The following USP47 variants were observed in gnomAD, a reference collection of about 807,000 sequenced individuals.
USP47 encodes ubiquitin specific peptidase 47, also known as ubiquitin carboxyl-terminal hydrolase 47.
USP47 carries 35 observed loss-of-function variants against 165.1 expected under a neutral mutation model. The ratio of observed to expected loss-of-function variants is 0.21; its 90% confidence interval spans 0.16 to 0.28. USP47 has a LOEUF of 0.28. Among genes scored for constraint, USP47 ranks in the 10% least tolerant of loss-of-function variants. The probability of loss-of-function intolerance (pLI) is 1.00; values close to 1 mark genes in which losing one functional copy is unlikely to be tolerated. For synonymous variants in USP47, 531 were observed against 544.5 expected (o/e 0.98, Z 0.35); for missense variants, 1,277 against 1,607.4 (o/e 0.79, Z 3.52).
chr11:11,870,268 G>A (rs1849953514), intron 1 of USP47, among the ~76,000 whole-genome samples: 1 of 151,806 alleles, frequency 6.6e-6, no homozygotes, highest in African/African-American at 2.4e-5. Context: ...GTGAAATGTA[G>A]AAACCTTATT....
At chr11:11,877,779 C>A (rs899046394) in intron 1 of USP47, among the ~76,000 whole-genome samples, 1 of 139,096 alleles carries the variant, frequency 7.2e-6, no homozygotes, top group Non-Finnish European at 1.5e-5. Flanking sequence ...CTCTCTCTCT[C>A]TCTCTCTCTT....
intron 1 of USP47, among the ~76,000 whole-genome samples, chr11:11,866,399 T>C (rs892206591): frequency 2.6e-5 from 4 of 152,234 alleles, no homozygotes; most frequent in Non-Finnish European, 4.4e-5. Flanking sequence ...TCATATCAGA[T>C]AAGCAAAGTC....
intron 15 of USP47, 118 bp downstream of exon 15, chr11:11,933,234 G>A: frequency 1.2e-6 from 1 of 846,968 alleles, no homozygotes. Context: ...CATGATCATT[G>A]AACAGTGTAA....
At chr11:11,878,318 T>C (rs1850612411) in intron 1 of USP47, among the ~76,000 whole-genome samples, 1 of 152,214 alleles carries the variant, frequency 6.6e-6, no homozygotes, top group South Asian at 2.1e-4. Context: ...AGCTTTAAAA[T>C]CTGGCTACTA....
At chr11:11,922,673 CAT>C (rs749339450) in intron 10 of USP47, 49 bp from the exon 11 acceptor site, 1 of 1,468,748 alleles carries the variant, frequency 6.8e-7, no homozygotes, top group Non-Finnish European at 9.1e-7. Flanking sequence ...TTTTGTTGAA[CAT>C]ATTTTCTCTG....
At chr11:11,950,512 CAGTT>C in intron 24 of USP47, 30 bp downstream of exon 24, 5 of 1,437,602 alleles carry the variant, frequency 3.5e-6, no homozygotes, top group Non-Finnish European at 3.9e-6. Context: ...GGGGAAGTAT[CAGTT>C]AGAAATACTC....
At chr11:11,937,347 T>C (rs1564888231) in intron 17 of USP47, among the ~76,000 whole-genome samples, 1 of 151,954 alleles carries the variant, frequency 6.6e-6, no homozygotes, top group African/African-American at 2.4e-5. Context: ...AAGTTGAACT[T>C]ACAAAACTTT....
chr11:11,916,217 G>C (rs1390730751), intron 8 of USP47, among the ~76,000 whole-genome samples: 2 of 152,168 alleles, frequency 1.3e-5, no homozygotes, highest in African/African-American at 4.8e-5. Context: ...GGGAGGTCAA[G>C]GCAGAGGATT....
chr11:11,930,097 A>T lies in USP47; in HGVS notation c.1572A>T (p.Gly524=), dbSNP rs758909822. Residue 524 remains glycine (G), a synonymous_variant, in exon 13 of 28, where the codon GGA becomes GGT. Transcript: ENST00000527733. ...KTHGGSSGSR[G]YYSSAFASST... is the part of the protein sequence containing the mutation. ...ATGGTGGATCTTCAGGAAGCAGAGG[A>T]TATTATTCTAGTGCTTTCGCAAGGT... is the stretch of plus-strand genomic sequence containing the variant. The T allele has an allele frequency of 2.5e-6, 4 of 1,613,194 alleles. No homozygotes were observed. Among genetic ancestry groups the T allele is most frequent in the Admixed American group, 3.3e-5 (2 of 59,996 alleles).
At chr11:11,921,035 A>G (rs1228761688) in intron 10 of USP47, among the ~76,000 whole-genome samples, 1 of 151,776 alleles carries the variant, frequency 6.6e-6, no homozygotes, top group African/African-American at 2.4e-5. Context: ...GAAGTGACAC[A>G]TGATGTAATG....
At chr11:11,914,478 T>C (rs898804370) in intron 8 of USP47, among the ~76,000 whole-genome samples, 15 of 152,168 alleles carry the variant, frequency 9.9e-5, no homozygotes, top group African/African-American at 3.6e-4. Flanking sequence ...CTTCCAGATC[T>C]GGGCTAAGCA....
intron 3 of USP47, among the ~76,000 whole-genome samples, chr11:11,891,228 T>C (rs1851491220): frequency 6.6e-6 from 1 of 152,256 alleles, no homozygotes; most frequent in African/African-American, 2.4e-5. Context: ...CTCACTCTTT[T>C]ACAGGCTGAG....
At chr11:11,913,350 A>C (rs1383953703) in intron 8 of USP47, among the ~76,000 whole-genome samples, 1 of 151,794 alleles carries the variant, frequency 6.6e-6, no homozygotes, top group Non-Finnish European at 1.5e-5. Flanking sequence ...ATTGTATTTC[A>C]AGATACTAAC....
chr11:11,938,111 G>A, intron 17 of USP47, 146 bp from the exon 18 acceptor site: 1 of 629,244 alleles, frequency 1.6e-6, no homozygotes, highest in South Asian at 2.3e-5. Flanking sequence ...AGTAACTGGT[G>A]ATTTATATTT....
intron 8 of USP47, among the ~76,000 whole-genome samples, chr11:11,908,578 A>G (rs1432653104): frequency 6.6e-6 from 1 of 152,124 alleles, no homozygotes; most frequent in Non-Finnish European, 1.5e-5. Context: ...ACTTATTATA[A>G]TATCCACAAT....
At chr11:11,873,820 A>T in intron 1 of USP47, 2 of 1,491,586 alleles carry the variant, frequency 1.3e-6, no homozygotes, top group Non-Finnish European at 1.8e-6. Flanking sequence ...GGAGATGCAG[A>T]CAAAATATCT....
At chr11:11,891,763 C>T (rs1208656971) in intron 3 of USP47, among the ~76,000 whole-genome samples, 2 of 152,040 alleles carry the variant, frequency 1.3e-5, no homozygotes, top group Non-Finnish European at 2.9e-5. Context: ...TGGTACTTTT[C>T]GTTTATTAGT....
intron 1 of USP47, among the ~76,000 whole-genome samples, chr11:11,873,627 A>AT (rs1237511736): frequency 1.3e-5 from 2 of 152,198 alleles, no homozygotes; most frequent in African/African-American, 2.4e-5. Flanking sequence ...TTTATCATAG[A>AT]TTTTTAGTAA....
At chr11:11,852,302 C>T (rs1848771673) in intron 1 of USP47, among the ~76,000 whole-genome samples, 1 of 152,014 alleles carries the variant, frequency 6.6e-6, no homozygotes, top group Admixed American at 6.5e-5. Flanking sequence ...CCCCCACCCC[C>T]ATTTATTTAC....
Sources: allele counts gnomAD v4.1 joint callset (sites outside exome capture counted in the v4.1 genomes callset), GRCh38; gene constraint gnomAD v4.1.1; transcripts MANE v1.5; gene names NCBI Gene and HGNC (gene_info 2026-07-23, HGNC 2026-07-21).